KPNA3: variants seen among roughly 807,000 people sequenced by gnomAD.
The protein encoded by KPNA3 is karyopherin subunit alpha 3, also known as importin subunit alpha-4.
A neutral mutation model predicts 73.8 loss-of-function variants in KPNA3; 13 were observed. That is an observed-to-expected ratio of 0.18 (90% confidence interval 0.11 to 0.28). The LOEUF is 0.28. Among genes scored for constraint, KPNA3 ranks in the 10% least tolerant of loss-of-function variants. The pLI, the probability that KPNA3 is intolerant of heterozygous loss-of-function variation, is 1.00. For synonymous variants in KPNA3, 186 were observed against 206.9 expected (o/e 0.90, Z 0.87); for missense variants, 360 against 618.1 (o/e 0.58, Z 4.43).
At chr13:49,741,401 A>T (rs1218667005) in intron 2 of KPNA3, among the ~76,000 whole-genome samples, 2 of 150,818 alleles carry the variant, frequency 1.3e-5, no homozygotes, top group Non-Finnish European at 2.9e-5. Flanking sequence ...AACAATTTTT[A>T]GTATACCTAT....
chr13:49,766,672 G>A (rs12583981), intron 1 of KPNA3, among the ~76,000 whole-genome samples: 3,088 of 152,252 alleles, frequency 0.02, 43 homozygotes, highest in South Asian at 0.03. Context: ...TCTAGTATGT[G>A]AAATTAAGAA....
chr13:49,771,119 C>A (rs991705535), intron 1 of KPNA3, among the ~76,000 whole-genome samples: 975 of 119,802 alleles, frequency 8.1e-3, no homozygotes, highest in African/African-American at 0.015. Flanking sequence ...GTTGATATTT[C>A]AAAAAAAAAA....
chr13:49,714,677 A>G (rs1352210735), intron 10 of KPNA3, among the ~76,000 whole-genome samples: 1 of 152,152 alleles, frequency 6.6e-6, no homozygotes, highest in Non-Finnish European at 1.5e-5. Context: ...ACAGAAAATG[A>G]AGGAAGCATA....
intron 1 of KPNA3, among the ~76,000 whole-genome samples, chr13:49,759,162 A>C (rs2137580685): frequency 6.6e-6 from 1 of 152,302 alleles, no homozygotes; most frequent in Non-Finnish European, 1.5e-5. Flanking sequence ...GGAAATAAAA[A>C]CCCAAACAAC....
chr13:49,734,826 C>G (rs9568315), intron 2 of KPNA3, among the ~76,000 whole-genome samples: 13,819 of 151,856 alleles, frequency 0.091, 675 homozygotes, highest in South Asian at 0.12. Context: ...TGTGTTTATT[C>G]ATTACTAAGA....
intron 1 of KPNA3, among the ~76,000 whole-genome samples, chr13:49,772,567 C>A (rs1371346560): frequency 6.6e-6 from 1 of 152,182 alleles, no homozygotes; most frequent in Non-Finnish European, 1.5e-5. Context: ...CTTTGGGAGG[C>A]TGAGGCAGGT....
intron 10 of KPNA3, among the ~76,000 whole-genome samples, chr13:49,716,317 T>C (rs1683815701): frequency 6.6e-6 from 1 of 152,220 alleles, no homozygotes; most frequent in South Asian, 2.1e-4. Context: ...CCTTATCTAC[T>C]ACATAAAAAG....
intron 1 of KPNA3, among the ~76,000 whole-genome samples, chr13:49,757,651 T>C (rs1954722752): frequency 6.6e-6 from 1 of 151,998 alleles, no homozygotes; most frequent in Non-Finnish European, 1.5e-5. Flanking sequence ...ACCCAGCAAC[T>C]ACACATTGGA....
intron 1 of KPNA3, among the ~76,000 whole-genome samples, chr13:49,754,798 T>C (rs1356998976): frequency 6.6e-6 from 1 of 152,026 alleles, no homozygotes; most frequent in Non-Finnish European, 1.5e-5. Context: ...GACCAATGAC[T>C]CAAAAAGCAA....
chr13:49,731,249 G>GTTTT (rs143641829), intron 6 of KPNA3, among the ~76,000 whole-genome samples: 134 of 102,210 alleles, frequency 1.3e-3, no homozygotes, highest in East Asian at 3.3e-3. Flanking sequence ...TAATTTTCGT[G>GTTTT]TTTTTTTTTT....
At chr13:49,791,709 T>C (rs1230836603) in intron 1 of KPNA3, among the ~76,000 whole-genome samples, 1 of 147,220 alleles carries the variant, frequency 6.8e-6, no homozygotes, top group Non-Finnish European at 1.5e-5. Flanking sequence ...GAGCAACCTC[T>C]TTTCCGAAGC....
intron 1 of KPNA3, among the ~76,000 whole-genome samples, chr13:49,749,693 G>A (rs910429341): frequency 6.6e-6 from 1 of 152,182 alleles, no homozygotes. Context: ...ATTTATATAT[G>A]CAGCATAATT....
At chr13:49,776,429 T>C (rs1954898704) in intron 1 of KPNA3, among the ~76,000 whole-genome samples, 1 of 152,242 alleles carries the variant, frequency 6.6e-6, no homozygotes, top group African/African-American at 2.4e-5. Context: ...ATTCTTATTA[T>C]ACAGGAGTAA....
chr13:49,754,827 C>T (rs1954696908), intron 1 of KPNA3, among the ~76,000 whole-genome samples: 1 of 152,048 alleles, frequency 6.6e-6, no homozygotes, highest in Non-Finnish European at 1.5e-5. Flanking sequence ...ACACCTCACT[C>T]AATATGAAAT....
At chr13:49,736,024 A>AGGATAATT (rs1427613101) in intron 2 of KPNA3, among the ~76,000 whole-genome samples, 1 of 152,212 alleles carries the variant, frequency 6.6e-6, no homozygotes, top group Non-Finnish European at 1.5e-5. Flanking sequence ...TCTTATGAAA[A>AGGATAATT]GGATAATTAC....
chr13:49,754,460 TAAGA>T (rs1033725766), intron 1 of KPNA3, among the ~76,000 whole-genome samples: 7 of 151,666 alleles, frequency 4.6e-5, no homozygotes, highest in Non-Finnish European at 8.8e-5. Flanking sequence ...ATGCAAACAT[TAAGA>T]AAGAGAGAAA....
chr13:49,762,590 T>C (rs1954776452), intron 1 of KPNA3, among the ~76,000 whole-genome samples: 1 of 152,296 alleles, frequency 6.6e-6, no homozygotes, highest in South Asian at 2.1e-4. Context: ...CTCTGAAACA[T>C]GTGCTGTGTC....
chr13:49,789,161 T>C (rs1955010990), intron 1 of KPNA3, among the ~76,000 whole-genome samples: 1 of 152,098 alleles, frequency 6.6e-6, no homozygotes, highest in Admixed American at 6.6e-5. Context: ...CCTTCACATC[T>C]CCCTATTAAG....
At chr13:49,778,038 A>C (rs1954911374) in intron 1 of KPNA3, among the ~76,000 whole-genome samples, 1 of 152,182 alleles carries the variant, frequency 6.6e-6, no homozygotes, top group Non-Finnish European at 1.5e-5. Context: ...AAAAACACTG[A>C]AACTACCATA....
Sources: allele counts gnomAD v4.1 joint callset (sites outside exome capture counted in the v4.1 genomes callset), GRCh38; gene constraint gnomAD v4.1.1; transcripts MANE v1.5; gene names NCBI Gene and HGNC (gene_info 2026-07-23, HGNC 2026-07-21).